The following OXR1 variants were observed in gnomAD, a reference collection of about 807,000 sequenced individuals.
OXR1 encodes the protein oxidation resistance 1.
OXR1 carries 41 observed loss-of-function variants against 104.6 expected under a neutral mutation model. The observed-to-expected ratio is 0.39, with a 90% CI of 0.31 to 0.51. The LOEUF is 0.51. Ranked by LOEUF, OXR1 falls within the 20% of genes least tolerant of loss-of-function variation. The pLI, the probability that OXR1 is intolerant of heterozygous loss-of-function variation, is 0.77. For missense variants in OXR1, 955 were observed against 1,031.9 expected (o/e 0.93, Z 1.02); for synonymous variants, 348 against 348.4 (o/e 1.00, Z 0.01).
intron 2 of OXR1, among the ~76,000 whole-genome samples, chr8:106,395,128 G>A (rs1438859310): frequency 3.9e-5 from 6 of 152,126 alleles, no homozygotes; most frequent in Non-Finnish European, 8.8e-5. Flanking sequence ...CTGAAACCAT[G>A]TTATGTGTTT....
At position 106,703,232 on chromosome 8, in the gene OXR1, G is replaced by A; in HGVS notation, c.860+142G>A. On this transcript the variant is annotated intron_variant, in intron 8 of 16. Transcript: ENST00000517566. ...ATGAAACGAAAATATATGCATTATT[G>A]AGAAGATTATTCTTAATTTGCACCT... 14 of 565,994 alleles carry A rather than the reference G, an allele frequency of 2.5e-5. 1 individual carries two copies. In the South Asian group the frequency reaches 3.5e-4, roughly 14 times the overall value. 35.1% of individuals were successfully genotyped at this position (565,994 alleles called of 1,614,324 possible). A position where few individuals can be genotyped will look rare whatever the true frequency, so the allele number is the denominator to read the frequency against.
intron 1 of OXR1, among the ~76,000 whole-genome samples, chr8:106,282,271 G>A (rs945679595): frequency 2.0e-5 from 3 of 152,126 alleles, no homozygotes. Context: ...GTAATTAGCA[G>A]TACCTGTCAC....
chr8:106,715,154 A>G (rs1832109296), intron 11 of OXR1, among the ~76,000 whole-genome samples: 1 of 152,086 alleles, frequency 6.6e-6, no homozygotes, highest in East Asian at 1.9e-4. Flanking sequence ...GGTACAGGCA[A>G]TGACATGGAT....
chr8:106,287,077 A>G (rs1468430960), intron 1 of OXR1, among the ~76,000 whole-genome samples: 2 of 152,196 alleles, frequency 1.3e-5, no homozygotes, highest in Non-Finnish European at 2.9e-5. Context: ...CAGGAAAGAA[A>G]AGATACCCAA....
intron 3 of OXR1, among the ~76,000 whole-genome samples, chr8:106,620,158 T>C (rs951019823): frequency 3.3e-5 from 5 of 152,170 alleles, no homozygotes; most frequent in Non-Finnish European, 7.4e-5. Context: ...GATTGTCTAG[T>C]GAGATTGTAT....
At chr8:106,738,212 A>G (rs1052364335) in intron 12 of OXR1, among the ~76,000 whole-genome samples, 2 of 152,072 alleles carry the variant, frequency 1.3e-5, no homozygotes, top group Non-Finnish European at 1.5e-5. Flanking sequence ...AGTTGTGTCT[A>G]TTATACTGTG....
intron 8 of OXR1, among the ~76,000 whole-genome samples, chr8:106,705,670 T>G (rs1215222114): frequency 1.3e-5 from 2 of 152,192 alleles, no homozygotes; most frequent in African/African-American, 4.8e-5. Context: ...ACTCCCTCTT[T>G]CCAGAACTTA....
Position 106,710,780 on chromosome 8 carries a change from C to T in OXR1, c.1783C>T (p.Pro595Ser). The change falls in exon 10 of 17, where the codon CCA becomes TCA. Residue 595 changes from proline to serine, a missense_variant. Coordinates refer to ENST00000517566, the MANE Select transcript of OXR1 (RefSeq NM_001198533.2). The stretch of plus-strand genomic sequence containing the variant: ...GAAACATGAATATTGGTTTGCTGTG[C>T]CACAAGAAAGGTAAAAAACCCATAC... ...DKKHEYWFAV[P>S]QERTDHLYAF... is the part of the protein sequence containing the mutation. The T allele has an allele frequency of 6.7e-7, 1 of 1,502,442 alleles. No homozygotes were observed. The highest frequency in any genetic ancestry group is 8.9e-7 in the Non-Finnish European group (1 of 1,122,434). 93.1% of individuals were successfully genotyped at this position (1,502,442 alleles called of 1,614,324 possible). A position where few individuals can be genotyped will look rare whatever the true frequency, so the allele number is the denominator to read the frequency against.
intron 3 of OXR1, among the ~76,000 whole-genome samples, chr8:106,649,888 G>A (rs888954344): frequency 1.3e-5 from 2 of 152,070 alleles, no homozygotes; most frequent in Non-Finnish European, 2.9e-5. Flanking sequence ...AGTAGAGACA[G>A]GGTTTCACTG....
chr8:106,344,417 A>C (rs968558646), intron 1 of OXR1, among the ~76,000 whole-genome samples: 44 of 152,278 alleles, frequency 2.9e-4, no homozygotes, highest in African/African-American at 9.6e-4. Flanking sequence ...GGCTCACTGC[A>C]ACCTCCGCCT....
At chr8:106,393,787 ATCT>A (rs1164895953) in intron 2 of OXR1, among the ~76,000 whole-genome samples, 1 of 152,016 alleles carries the variant, frequency 6.6e-6, no homozygotes, top group East Asian at 1.9e-4. Flanking sequence ...TTCTATAATG[ATCT>A]TCATATATAT....
intron 2 of OXR1, among the ~76,000 whole-genome samples, chr8:106,518,581 AT>A (rs1430352241): frequency 1.3e-5 from 2 of 152,182 alleles, no homozygotes; most frequent in Non-Finnish European, 2.9e-5. Context: ...TGGAGTTAAC[AT>A]TTATTTTTAA....
chr8:106,333,831 A>C (rs552922756), intron 1 of OXR1, among the ~76,000 whole-genome samples: 2 of 152,216 alleles, frequency 1.3e-5, no homozygotes, highest in South Asian at 4.1e-4. Context: ...TGCTTATCCT[A>C]TGCCAATACC....
At chr8:106,366,110 C>T (rs1376741327) in intron 2 of OXR1, among the ~76,000 whole-genome samples, 1 of 152,140 alleles carries the variant, frequency 6.6e-6, no homozygotes, top group East Asian at 1.9e-4. Flanking sequence ...CAGCTTACAA[C>T]CAGGTTTGGG....
At chr8:106,565,755 A>C (rs927493324) in intron 3 of OXR1, among the ~76,000 whole-genome samples, 1 of 152,228 alleles carries the variant, frequency 6.6e-6, no homozygotes, top group African/African-American at 2.4e-5. Flanking sequence ...TAACCAAAAC[A>C]GCATGGTACT....
chr8:106,298,676 G>A (rs1380461156), intron 1 of OXR1, among the ~76,000 whole-genome samples: 1 of 152,110 alleles, frequency 6.6e-6, no homozygotes. Flanking sequence ...GATGGAAGAT[G>A]CACATAGCTG....
At chr8:106,641,258 T>C (rs890160718) in intron 3 of OXR1, among the ~76,000 whole-genome samples, 1 of 152,006 alleles carries the variant, frequency 6.6e-6, no homozygotes, top group Non-Finnish European at 1.5e-5. Flanking sequence ...CTTTAGAGAG[T>C]AGGATGTCTT....
intron 3 of OXR1, among the ~76,000 whole-genome samples, chr8:106,591,773 T>A (rs981312429): frequency 1.3e-4 from 20 of 152,224 alleles, no homozygotes; most frequent in African/African-American, 4.3e-4. Flanking sequence ...TTTTTCTTGA[T>A]CCTTGAATTG....
intron 2 of OXR1, among the ~76,000 whole-genome samples, chr8:106,373,954 A>T (rs1816808461): frequency 6.6e-6 from 1 of 152,228 alleles, no homozygotes; most frequent in Non-Finnish European, 1.5e-5. Flanking sequence ...TGTAATAGGA[A>T]TTACTTAAAA....
Sources: allele counts gnomAD v4.1 joint callset (sites outside exome capture counted in the v4.1 genomes callset), GRCh38; gene constraint gnomAD v4.1.1; transcripts MANE v1.5; gene names NCBI Gene and HGNC (gene_info 2026-07-23, HGNC 2026-07-21).